Variants in NCALD observed in about 807,000 individuals in gnomAD.
NCALD encodes the protein neurocalcin delta, also known as neurocalcin-delta.
A neutral mutation model predicts 18.6 loss-of-function variants in NCALD; 10 were observed. The observed-to-expected ratio is 0.54, with a 90% confidence interval of 0.33 to 0.91. The LOEUF is 0.91. Among genes scored for constraint, NCALD ranks in the 40% least tolerant of loss-of-function variants. The pLI, the probability that NCALD is intolerant of heterozygous loss-of-function variation, is 0.03. For synonymous variants in NCALD, 88 were observed against 87.4 expected (o/e 1.01, Z -0.04); for missense variants, 184 against 247.6 (o/e 0.74, Z 1.72).
chr8:101,790,066 TG>T (rs1812389581), intron 1 of NCALD, among the ~76,000 whole-genome samples: 1 of 152,208 alleles, frequency 6.6e-6, no homozygotes, highest in Non-Finnish European at 1.5e-5. Flanking sequence ...TTAGGGCTAT[TG>T]TTTTTTTCTT....
intron 4 of NCALD, among the ~76,000 whole-genome samples, chr8:101,800,898 GAGGGGGAAAAAAGGGGA>G (rs1812817994): frequency 1.5e-5 from 1 of 68,200 alleles, no homozygotes; most frequent in Non-Finnish European, 2.7e-5. Context: ...GGGGAGAGGG[GAGGGGGAAAAAAGGGGA>G]GGGGGGAGAG....
At chr8:101,706,473 T>C (rs1815530195) in intron 2 of NCALD, among the ~76,000 whole-genome samples, 1 of 152,222 alleles carries the variant, frequency 6.6e-6, no homozygotes, top group Non-Finnish European at 1.5e-5. Context: ...TCTTCATCCA[T>C]AAAATTGGGC....
intron 1 of NCALD, among the ~76,000 whole-genome samples, chr8:102,049,967 C>T (rs1823377680): frequency 6.7e-6 from 1 of 149,872 alleles, no homozygotes; most frequent in Non-Finnish European, 1.5e-5. Flanking sequence ...TCGAGACCAT[C>T]CTGGCTAACA....
chr8:102,120,661 G>T (rs1186773953), intron 1 of NCALD, among the ~76,000 whole-genome samples: 1 of 152,198 alleles, frequency 6.6e-6, no homozygotes, highest in Admixed American at 6.5e-5. Flanking sequence ...AGTTATCAGA[G>T]CCAAAATAAC....
intron 1 of NCALD, among the ~76,000 whole-genome samples, chr8:102,058,767 A>G (rs1311250266): frequency 6.6e-6 from 1 of 152,212 alleles, no homozygotes; most frequent in East Asian, 1.9e-4. Context: ...TCCACATGGC[A>G]AAAAAGGACT....
At chr8:101,949,395 G>A (rs1051860030) in intron 2 of NCALD, among the ~76,000 whole-genome samples, 1 of 151,938 alleles carries the variant, frequency 6.6e-6, no homozygotes, top group Non-Finnish European at 1.5e-5. Flanking sequence ...GTAGGTCCTT[G>A]TCTCCATAGC....
intron 4 of NCALD, among the ~76,000 whole-genome samples, chr8:101,879,539 G>A (rs1254928065): frequency 6.6e-6 from 1 of 152,160 alleles, no homozygotes; most frequent in Non-Finnish European, 1.5e-5. Context: ...CTGCAAAAGG[G>A]AAAAACACAA....
chr8:101,973,551 G>T (rs1415284452), intron 2 of NCALD, among the ~76,000 whole-genome samples: 2 of 152,104 alleles, frequency 1.3e-5, no homozygotes, highest in Non-Finnish European at 2.9e-5. Context: ...TCCCCCAACT[G>T]GTATCCACAA....
At chr8:101,723,028 C>A (rs1272593384) in intron 1 of NCALD, among the ~76,000 whole-genome samples, 1 of 152,126 alleles carries the variant, frequency 6.6e-6, no homozygotes, top group Non-Finnish European at 1.5e-5. Context: ...CAGAGGGAAG[C>A]CTGACAATAC....
intron 2 of NCALD, among the ~76,000 whole-genome samples, chr8:101,922,649 G>C (rs1818207282): frequency 6.6e-6 from 1 of 152,110 alleles, no homozygotes; most frequent in Non-Finnish European, 1.5e-5. Flanking sequence ...AATTTGTGTT[G>C]AAACGTAGTA....
intron 1 of NCALD, among the ~76,000 whole-genome samples, chr8:102,109,895 T>A (rs1195883789): frequency 6.6e-6 from 1 of 152,240 alleles, no homozygotes; most frequent in Non-Finnish European, 1.5e-5. Context: ...GTATTTATTA[T>A]CATTACTTAA....
chr8:102,118,768 C>T (rs1435166010), intron 1 of NCALD, among the ~76,000 whole-genome samples: 2 of 151,938 alleles, frequency 1.3e-5, no homozygotes, highest in Non-Finnish European at 1.5e-5. Context: ...TCCAAACCTT[C>T]CGATCATGCC....
intron 4 of NCALD, among the ~76,000 whole-genome samples, chr8:101,797,631 C>T (rs929903082): frequency 2.6e-5 from 4 of 152,100 alleles, no homozygotes; most frequent in African/African-American, 9.7e-5. Context: ...TCCTGGCCAA[C>T]ATGGTGAAAC....
chr8:101,738,552 C>CAAAAAAAAAAAAAA (rs34205453), intron 1 of NCALD, among the ~76,000 whole-genome samples: 9 of 127,910 alleles, frequency 7.0e-5, no homozygotes, highest in East Asian at 2.3e-4. Context: ...CTCAAAAAAA[C>CAAAAAAAAAAAAAA]AAAAAAAAAA....
intron 3 of NCALD, among the ~76,000 whole-genome samples, chr8:101,911,056 C>A (rs1817776881): frequency 6.6e-6 from 1 of 152,052 alleles, no homozygotes; most frequent in Non-Finnish European, 1.5e-5. Flanking sequence ...TTAATTCCTA[C>A]AAAGAAAACA....
chr8:101,845,648 T>G (rs1430610359), intron 4 of NCALD, among the ~76,000 whole-genome samples: 1 of 152,246 alleles, frequency 6.6e-6, no homozygotes. Flanking sequence ...GTCCGTCACC[T>G]CCAACATTTA....
intron 1 of NCALD, among the ~76,000 whole-genome samples, chr8:102,062,115 C>G (rs1214377880): frequency 5.9e-5 from 9 of 152,132 alleles, no homozygotes; most frequent in Non-Finnish European, 1.3e-4. Context: ...TCAAAAATGT[C>G]GAAGTTGGCT....
intron 4 of NCALD, among the ~76,000 whole-genome samples, chr8:101,884,100 G>A (rs1332317287): frequency 6.6e-6 from 1 of 152,084 alleles, no homozygotes; most frequent in Non-Finnish European, 1.5e-5. Context: ...ACTAGCTTTG[G>A]CTCAATTCTT....
chr8:101,747,189 G>A (rs568989877), intron 1 of NCALD, among the ~76,000 whole-genome samples: 1,935 of 87,776 alleles, frequency 0.022, 9 homozygotes, highest in Non-Finnish European at 0.05. Flanking sequence ...TCCTTCTGGC[G>A]TCTTCTCCTC....
Sources: gnomAD v4.1 joint callset for allele counts (sites outside exome capture counted in the v4.1 genomes callset) on GRCh38, gnomAD v4.1.1 for gene constraint, MANE v1.5 for transcripts, NCBI Gene and HGNC (gene_info 2026-07-23, HGNC 2026-07-21) for gene names.